Variants in TMC6 observed in about 807,000 individuals in gnomAD.
TMC6 encodes transmembrane channel-like protein 6.
Under a neutral mutation model 95.4 loss-of-function variants are expected in TMC6, and 71 were observed. The ratio of observed to expected loss-of-function variants is 0.74; its 90% CI spans 0.61 to 0.91. The LOEUF is 0.91. TMC6 is among the 40% of genes least tolerant of loss of function. The pLI, the probability that TMC6 is intolerant of heterozygous loss-of-function variation, is 0.00. For missense variants in TMC6, 1,074 were observed against 1,079.1 expected (o/e 1.00, Z 0.07); for synonymous variants, 514 against 483.1 (o/e 1.06, Z -0.84).
At chr17:78,119,601 C>G (rs111290437) in intron 13 of TMC6, among the ~76,000 whole-genome samples, 1 of 152,192 alleles carries the variant, frequency 6.6e-6, no homozygotes, top group African/African-American at 2.4e-5. Flanking sequence ...CGGATACACC[C>G]GGAGTTAAAC....
Position 78,125,139 on chromosome 17 carries a change from C to T in TMC6, c.536+19G>A. On this transcript the variant is annotated intron_variant, in intron 6 of 19. Transcript: ENST00000590602. The stretch of plus-strand genomic sequence containing the variant: ...GGGGGCGCAGCAGCGGCGGCATGGT[C>T]AGGGTCGGGGCTGCTCACCGCAGGC... 6.4e-7 allele frequency: 1 copy of T among 1,554,524 alleles called. No individual in the cohort carries two copies. Among genetic ancestry groups the T allele is most frequent in the Non-Finnish European group, 8.7e-7 (1 of 1,149,184 alleles).
rs781010129 is a variant in TMC6, at chr17:78,113,618, C to CA, written c.2283dup (p.Glu762Ter). ...TTGTTGATTAAGAAGATTTTGTCCTCACCCTCCTAGAAAGGCCAGAACACA... is the reference window on the plus strand; with the variant it reads ...TTGTTGATTAAGAAGATTTTGTCCTCAACCCTCCTAGAAAGGCCAGAACACA... On this transcript the variant is annotated frameshift_variant, in exon 19 of 20. Transcript: ENST00000590602. LOFTEE classifies it high-confidence loss of function. The CA allele has an allele frequency of 5.0e-6, 8 of 1,613,672 alleles. No homozygotes were observed. The highest frequency in any genetic ancestry group is 6.8e-6 in the Non-Finnish European group (8 of 1,179,996).
rs1301250138 is a variant in TMC6, at chr17:78,113,621, C to A, written c.2281G>T (p.Gly761Cys). Residue 761 changes from glycine (G) to cysteine (C), a missense_variant, in exon 19 of 20, where the codon GGT becomes TGT. Physicochemically the swap from Gly to Cys is radical, Grantham distance 159. Transcript: ENST00000590602. ...TTGATTAAGAAGATTTTGTCCTCAC[C>A]CTCCTAGAAAGGCCAGAACACAAAG... Reference protein sequence around the residue: ...CLLKEQISNEGEDKIFLINKL... With the variant: ...CLLKEQISNECEDKIFLINKL... 2.1e-5 allele frequency: 34 copies of A among 1,613,634 alleles called. No individual in the cohort carries two copies. The highest frequency in any genetic ancestry group is 2.8e-5 in the Non-Finnish European group (33 of 1,180,002).
rs1320078001 is a variant in TMC6, at chr17:78,117,838, A to G, written c.1985T>C (p.Leu662Pro). The G allele has an allele frequency of 1.1e-5, 18 of 1,607,980 alleles. No individual in the cohort carries two copies. The highest frequency in any genetic ancestry group is 1.4e-5 in the Non-Finnish European group (17 of 1,177,508). The change falls in exon 16 of 20, where the codon CTG becomes CCG. Residue 662 changes from leucine to proline, a missense_variant. Coordinates refer to ENST00000590602, the MANE Select transcript of TMC6 (RefSeq NM_001127198.5). ...GTAGCAGAGGAAGACAGCGGCGCCC[A>G]GGAAGGCGGGGAAGCAGAGCAGCGT... ...FLTLLCFPAF[L>P]GAAVFLCYAV... is the part of the protein sequence containing the mutation.
At chr17:78,116,505 T>C (rs926025683) in intron 18 of TMC6, among the ~76,000 whole-genome samples, 1 of 151,722 alleles carries the variant, frequency 6.6e-6, no homozygotes, top group South Asian at 2.1e-4. Context: ...ACTCCTGGGC[T>C]CCAGCCATTC....
intron 13 of TMC6, 52 bp downstream of exon 13, chr17:78,120,598 TCCC>T: frequency 1.3e-6 from 2 of 1,584,048 alleles, no homozygotes; most frequent in African/African-American, 3.1e-5. Flanking sequence ...CGGCCACACG[TCCC>T]GGCCACTAAG....
chr17:78,116,294 T>A (rs893567517), intron 18 of TMC6, among the ~76,000 whole-genome samples: 21 of 147,836 alleles, frequency 1.4e-4, no homozygotes, highest in South Asian at 2.1e-4. Flanking sequence ...TTTTTTTTTT[T>A]ATGAGACAGA....
At position 78,111,684 on chromosome 17, in the gene TMC6, T is replaced by A. The variant is rs1186329670; in HGVS notation, c.*1464A>T. On this transcript the variant is annotated 3_prime_UTR_variant, in exon 20 of 20. Coordinates refer to ENST00000590602, the MANE Select transcript of TMC6 (RefSeq NM_001127198.5). ...CAGATGTCTGCAGAGCACAGGAGCA[T>A]CCCCATGGGATTGGGTGGGCTAGAC... 1 of 157,832 alleles carries A rather than the reference T, an allele frequency of 6.3e-6. No individual in the cohort carries two copies. The highest frequency in any genetic ancestry group is 1.4e-5 in the Non-Finnish European group (1 of 71,236). 9.8% of individuals were successfully genotyped at this position (157,832 alleles called of 1,614,324 possible).
chr17:78,126,623 T>C lies in TMC6; in HGVS notation c.82A>G (p.Ser28Gly). ...TGCTGGAAGGAGTCGTGCACTTCGCTTTCATCATAGGGGCTGGGGCCCTGG... is the reference window on the plus strand; with the variant it reads ...TGCTGGAAGGAGTCGTGCACTTCGCCTTCATCATAGGGGCTGGGGCCCTGG... Reference protein sequence around the residue: ...QGQGPSPYDESEVHDSFQQLI... With the variant: ...QGQGPSPYDEGEVHDSFQQLI... The change falls in exon 3 of 20, where the codon AGC (serine) becomes GGC (glycine). Residue 28 changes from serine (S) to glycine (G), a missense_variant. Transcript: ENST00000590602. 1.9e-6 allele frequency: 3 copies of C among 1,613,556 alleles called. No homozygotes were observed. Among genetic ancestry groups the C allele is most frequent in the Non-Finnish European group, 2.5e-6 (3 of 1,179,992 alleles).
chr17:78,132,235 C>T (rs780774059), upstream of TMC6: 5 of 1,400,476 alleles, frequency 3.6e-6, no homozygotes, highest in East Asian at 9.9e-5. Context: ...GCGGTACCTC[C>T]GGACTCGGGC....
chr17:78,116,418 G>A (rs1194090578), intron 18 of TMC6, among the ~76,000 whole-genome samples: 1 of 151,768 alleles, frequency 6.6e-6, no homozygotes, highest in Non-Finnish European at 1.5e-5. Context: ...GACTACAGGT[G>A]CACACCACCA....
Position 78,120,119 on chromosome 17 carries a change from A to G in TMC6, c.1715+534T>C, listed in dbSNP as rs568193500. On this transcript the variant is annotated intron_variant, in intron 13 of 19. Coordinates refer to ENST00000590602, the MANE Select transcript of TMC6 (RefSeq NM_001127198.5). ...TCCCTGCTGTGTGTTTTTCCTTTGT[A>G]TCCTAGACTGAGGTTGTGTCATATA... is the stretch of plus-strand genomic sequence containing the variant. 22 of 317,518 alleles carry G rather than the reference A, an allele frequency of 6.9e-5. 1 individual carries two copies. Among genetic ancestry groups the G allele is most frequent in the South Asian group, 5.6e-4 (22 of 39,164 alleles). The allele number at this position is 317,518 out of a possible 1,614,324, so 19.7% of individuals were successfully genotyped here.
rs757484044 is a variant in TMC6 at position 78,121,116 on chromosome 17, C to T, written c.1432G>A (p.Val478Met). The change falls in exon 12 of 20, where the codon GTG (valine) becomes ATG (methionine). Residue 478 changes from valine to methionine, a missense_variant. Transcript: ENST00000590602. This position sits in a 1 kb window ranked among gnomAD's most constrained non-coding sequence, Gnocchi z 5.6. ...QEAVLLVLPL[V>M]VGLLNLGAPY... ...GCCCCCAGGTTGAGGAGGCCAACCA[C>T]CAGGGGCAGGACCAGCAGCACAGCC... The T allele has an allele frequency of 2.5e-6, 4 of 1,611,176 alleles. No homozygotes were observed. The highest frequency in any genetic ancestry group is 2.2e-5 in the East Asian group (1 of 44,796).
rs2074293865 is a variant in TMC6, at chr17:78,119,361, GCCT to G, written c.1744_1746del (p.Arg583del). 1 of 1,613,994 alleles carries G rather than the reference GCCT, an allele frequency of 6.2e-7. No individual in the cohort carries two copies. Among genetic ancestry groups the G allele is most frequent in the Non-Finnish European group, 8.5e-7 (1 of 1,180,030 alleles). On this transcript the variant is annotated inframe_deletion, in exon 14 of 20. Transcript: ENST00000590602. ...CGGGCAATGTCAAACTCCGGCTTCC[GCCT>G]CCTCTTCAGCTTCTTCTCGGAGATA... is the stretch of plus-strand genomic sequence containing the variant.
At chr17:78,120,277 T>A in intron 13 of TMC6, 1 of 370,316 alleles carries the variant, frequency 2.7e-6, no homozygotes, top group South Asian at 2.0e-5. Context: ...CTCATGCCTC[T>A]GCCTCCCGAG....
rs1450826722 is a variant in TMC6, at chr17:78,124,754, G to A, written c.661C>T (p.Leu221Phe). 6.3e-7 allele frequency: 1 copy of A among 1,583,652 alleles called. No homozygotes were observed. Among genetic ancestry groups the A allele is most frequent in the Admixed American group, 1.8e-5 (1 of 54,898 alleles). ...GGCATCAGGGCCTGCAGGGCGGAGA[G>A]CAGCGCCAGGCCCAGGCTGTGCAAG... ...LALHSLGLAL[L>F]SALQALMPWR... Residue 221 changes from leucine (L) to phenylalanine (F), a missense_variant, in exon 8 of 20, where the codon CTC becomes TTC. By Grantham distance (22) the Leu-to-Phe change is conservative (BLOSUM62 0). Coordinates refer to ENST00000590602, the MANE Select transcript of TMC6 (RefSeq NM_001127198.5).
intron 13 of TMC6, 45 bp downstream of exon 13, chr17:78,120,596 CGTCCCGGCCACT>C (rs2074364106): frequency 5.9e-6 from 9 of 1,522,698 alleles, no homozygotes; most frequent in Non-Finnish European, 6.2e-6. Context: ...CCCGGCCACA[CGTCCCGGCCACT>C]AAGGGGAGAA....
chr17:78,131,817 G>A (rs1051229349), upstream of TMC6: 17 of 1,507,132 alleles, frequency 1.1e-5, no homozygotes, highest in African/African-American at 2.1e-4. Context: ...GGAGCACCCC[G>A]TCTGCTTGGC....
At chr17:78,132,215 G>A, upstream of TMC6, 1 of 1,377,444 alleles carries the variant, frequency 7.3e-7, no homozygotes, top group South Asian at 1.2e-5. Flanking sequence ...GCACCCCCAG[G>A]TGACTGTCAG....
Sources: gnomAD v4.1 joint callset for allele counts (sites outside exome capture counted in the v4.1 genomes callset) on GRCh38, gnomAD v4.1.1 for gene constraint, Gnocchi (gnomAD v3.1) non-coding constraint, MANE v1.5 for transcripts, NCBI Gene and HGNC (gene_info 2026-07-23, HGNC 2026-07-21) for gene names.